ASPH: variants seen among roughly 807,000 people sequenced by gnomAD.
The protein encoded by ASPH is aspartate beta-hydroxylase, also known as aspartyl/asparaginyl beta-hydroxylase.
A neutral mutation model predicts 118.4 loss-of-function variants in ASPH; 100 were observed. The observed-to-expected ratio is 0.84, with a 90% CI of 0.72 to 1.00. The LOEUF (loss-of-function observed/expected upper bound fraction) is 1.00. Ranked by LOEUF, ASPH falls within the 50% of genes least tolerant of loss-of-function variation. ASPH has a pLI of 0.00. For synonymous variants in ASPH, 315 were observed against 325.6 expected (o/e 0.97, Z 0.35); for missense variants, 920 against 919.5 (o/e 1.00, Z -0.01).
At chr8:61,570,886 A>G (rs1470323511) in intron 16 of ASPH, among the ~76,000 whole-genome samples, 2 of 152,222 alleles carry the variant, frequency 1.3e-5, no homozygotes, top group African/African-American at 4.8e-5. Context: ...TTGAGTTTAT[A>G]TTTTAATATT....
chr8:61,631,000 G>A (rs906348788), intron 13 of ASPH, among the ~76,000 whole-genome samples: 1 of 151,986 alleles, frequency 6.6e-6, no homozygotes, highest in Admixed American at 6.6e-5. Context: ...ATGTCTGTCT[G>A]TGTCTTAGTT....
intron 3 of ASPH, among the ~76,000 whole-genome samples, chr8:61,666,149 AATC>A (rs1226130233): frequency 6.6e-6 from 1 of 152,180 alleles, no homozygotes; most frequent in Non-Finnish European, 1.5e-5. Flanking sequence ...GACATTTTTA[AATC>A]ATTATCTGTA....
At chr8:61,651,970 G>A (rs113760502) in intron 4 of ASPH, among the ~76,000 whole-genome samples, 1 of 152,184 alleles carries the variant, frequency 6.6e-6, no homozygotes, top group African/African-American at 2.4e-5. Context: ...ATCGGTTGTT[G>A]TCAAAGAGCT....
At chr8:61,569,886 T>C (rs1299734274) in intron 16 of ASPH, among the ~76,000 whole-genome samples, 1 of 152,218 alleles carries the variant, frequency 6.6e-6, no homozygotes, top group Non-Finnish European at 1.5e-5. Flanking sequence ...TGGCCTTCTA[T>C]CATATATTCA....
intron 15 of ASPH, among the ~76,000 whole-genome samples, chr8:61,577,589 T>C (rs1269420442): frequency 6.6e-6 from 1 of 152,138 alleles, no homozygotes; most frequent in African/African-American, 2.4e-5. Context: ...GAAAGAGGTT[T>C]AACTGAATCA....
Position 61,646,733 on chromosome 8 carries a change from A to G in ASPH, c.619+17T>C. ...TGATTATATTTTATCCTAAAACTTG[A>G]AAAAAAAGTGTTCTACCTTCATGAG... On this transcript the variant is annotated intron_variant, in intron 6 of 24. Transcript: ENST00000379454. 6.3e-7 allele frequency: 1 copy of G among 1,594,010 alleles called. No individual in the cohort carries two copies. The highest frequency in any genetic ancestry group is 1.3e-5 in the African/African-American group (1 of 74,164).
rs1820878536 is a variant in ASPH, at chr8:61,539,450, T to C, written c.1764+8621A>G. On this transcript the variant is annotated intron_variant, in intron 21 of 24. Transcript: ENST00000379454. ...AGAAAGGAAGGAAGGAAAGCACACCTGGATGAGGGCCAAGCAGGCTGAGAG... is the reference window on the plus strand; with the variant it reads ...AGAAAGGAAGGAAGGAAAGCACACCCGGATGAGGGCCAAGCAGGCTGAGAG... 2.0e-5 allele frequency among the ~76,000 whole-genome samples: 3 copies of C among 151,970 alleles called. 1 individual carries two copies. The highest frequency in any genetic ancestry group is 2.0e-4 in the Admixed American group (3 of 15,264).
chr8:61,574,447 C>A (rs1216186920), intron 16 of ASPH, among the ~76,000 whole-genome samples: 4 of 152,144 alleles, frequency 2.6e-5, no homozygotes, highest in Admixed American at 6.5e-5. Context: ...TGGAACCAAC[C>A]CAAATGCCCA....
At chr8:61,542,627 G>GA (rs1822359910) in intron 21 of ASPH, among the ~76,000 whole-genome samples, 1 of 152,032 alleles carries the variant, frequency 6.6e-6, no homozygotes, top group East Asian at 1.9e-4. Context: ...TAAGATAGAA[G>GA]AAAAAACTAA....
intron 12 of ASPH, among the ~76,000 whole-genome samples, chr8:61,634,782 T>C (rs1312151769): frequency 1.3e-5 from 2 of 152,214 alleles, no homozygotes; most frequent in Non-Finnish European, 2.9e-5. Context: ...TTTACTTTTG[T>C]TATTCTACGC....
chr8:61,686,267 A>T (rs1830481967), intron 1 of ASPH, among the ~76,000 whole-genome samples: 1 of 152,218 alleles, frequency 6.6e-6, no homozygotes, highest in African/African-American at 2.4e-5. Flanking sequence ...CTATTGTTGC[A>T]GATTAAATCA....
intron 16 of ASPH, among the ~76,000 whole-genome samples, chr8:61,568,608 G>A (rs1832539966): frequency 6.6e-6 from 1 of 152,212 alleles, no homozygotes; most frequent in Non-Finnish European, 1.5e-5. Flanking sequence ...AGGGAGGTCA[G>A]AGTAAGAGAA....
intron 16 of ASPH, among the ~76,000 whole-genome samples, chr8:61,575,465 G>A (rs1362956808): frequency 1.3e-5 from 2 of 151,932 alleles, no homozygotes; most frequent in African/African-American, 4.8e-5. Flanking sequence ...CATATACATT[G>A]GACTTACTTG....
intron 3 of ASPH, chr8:61,664,650 G>A: frequency 1.0e-6 from 1 of 986,038 alleles, no homozygotes; most frequent in Non-Finnish European, 1.2e-6. Flanking sequence ...GACTTGGGGA[G>A]GGAGACTAGA....
Position 61,558,413 on chromosome 8 carries a change from A to T in ASPH, c.1438-2391T>A, listed in dbSNP as rs189313377. ...ATTATGAACAAAAGGTGATAGCAGA[A>T]GAGACTGGAGAAAAGGCAGAAGTCA... On this transcript the variant is annotated intron_variant, in intron 18 of 24. Transcript: ENST00000379454. Among the ~76,000 whole-genome samples, 385 of 152,358 alleles carry T rather than the reference A, an allele frequency of 2.5e-3. 3 individuals carry two copies. The highest frequency in any genetic ancestry group is 9.0e-3 in the African/African-American group (373 of 41,570).
intron 3 of ASPH, chr8:61,665,399 T>C: frequency 6.2e-7 from 1 of 1,613,200 alleles, no homozygotes; most frequent in Non-Finnish European, 8.5e-7. Context: ...TTCCTTGGTT[T>C]TAGCACTTTT....
At chr8:61,687,500 A>G (rs1831006284) in intron 1 of ASPH, 1 of 152,190 alleles carries the variant, frequency 6.6e-6, no homozygotes, top group South Asian at 2.1e-4. Flanking sequence ...TTCAGACACA[A>G]TCTAACCCAA....
At chr8:61,585,764 A>T (rs1266541507) in intron 14 of ASPH, among the ~76,000 whole-genome samples, 2 of 152,070 alleles carry the variant, frequency 1.3e-5, no homozygotes, top group African/African-American at 4.8e-5. Flanking sequence ...GGCAGAAGCA[A>T]GTCTGCCAGA....
chr8:61,504,281 A>C (rs570274528), intron 24 of ASPH, among the ~76,000 whole-genome samples: 2 of 152,332 alleles, frequency 1.3e-5, no homozygotes, highest in Admixed American at 1.3e-4. Flanking sequence ...TATTTTAAAA[A>C]TAGATATTAA....
Sources: allele counts gnomAD v4.1 joint callset (sites outside exome capture counted in the v4.1 genomes callset), GRCh38; gene constraint gnomAD v4.1.1; transcripts MANE v1.5; gene names NCBI Gene and HGNC (gene_info 2026-07-23, HGNC 2026-07-21).